CHRM3: variants seen among roughly 807,000 people sequenced by gnomAD.
CHRM3 encodes cholinergic receptor muscarinic 3.
Under a neutral mutation model 41.8 loss-of-function variants are expected in CHRM3, and 11 were observed. The ratio of observed to expected loss-of-function variants is 0.26; its 90% CI spans 0.17 to 0.44. The LOEUF is 0.44. Ranked by LOEUF, CHRM3 falls within the 20% of genes least tolerant of loss-of-function variation. CHRM3 has a pLI of 1.00. For missense variants in CHRM3, 571 were observed against 745.4 expected, an observed-to-expected ratio of 0.77 and a Z score of 2.72; for synonymous variants, 297 against 301.4, an observed-to-expected ratio of 0.99 and a Z score of 0.15.
At chr1:239,396,825 A>C (rs1659524872) in intron 1 of CHRM3, among the ~76,000 whole-genome samples, 1 of 152,188 alleles carries the variant, frequency 6.6e-6, no homozygotes, top group African/African-American at 2.4e-5. Context: ...CTCTATACAA[A>C]ACTGGGATAA....
At chr1:239,514,533 TC>T (rs1669135372) in intron 2 of CHRM3, among the ~76,000 whole-genome samples, 2 of 151,814 alleles carry the variant, frequency 1.3e-5, no homozygotes, top group East Asian at 3.9e-4. Context: ...TACTGGATTT[TC>T]TACATAGAAA....
At chr1:239,579,820 A>C (rs1262854781) in intron 3 of CHRM3, among the ~76,000 whole-genome samples, 1 of 152,172 alleles carries the variant, frequency 6.6e-6, no homozygotes, top group African/African-American at 2.4e-5. Context: ...TTATTCATTC[A>C]TCTTCACATA....
At chr1:239,392,322 A>G (rs1047304951) in intron 1 of CHRM3, among the ~76,000 whole-genome samples, 1 of 152,074 alleles carries the variant, frequency 6.6e-6, no homozygotes, top group Non-Finnish European at 1.5e-5. Flanking sequence ...TCAGTTCTCC[A>G]CACCTCTCCC....
rs141906772 is a variant in CHRM3, at chr1:239,769,935, A to T, written c.-146-57317A>T. On this transcript the variant is annotated intron_variant, in intron 5 of 6. Coordinates refer to ENST00000676153, the MANE Select transcript of CHRM3 (RefSeq NM_001375978.1). ...TCACCTGTTTCTTTTAGGGCCATAC[A>T]TCACATTCTTTTTAGCTAAAGTCTG... 2.9e-3 allele frequency among the ~76,000 whole-genome samples: 445 copies of T among 152,234 alleles called. 2 individuals carry two copies. Among genetic ancestry groups the T allele is most frequent in the African/African-American group, 9.8e-3 (409 of 41,564 alleles).
At chr1:239,410,404 A>T (rs1660973879) in intron 1 of CHRM3, among the ~76,000 whole-genome samples, 1 of 152,116 alleles carries the variant, frequency 6.6e-6, no homozygotes, top group South Asian at 2.1e-4. Flanking sequence ...TCTTTTTTAG[A>T]ATGTGGCCGC....
intron 6 of CHRM3, among the ~76,000 whole-genome samples, chr1:239,842,738 A>G (rs566180243): frequency 1.3e-5 from 2 of 152,330 alleles, no homozygotes; most frequent in South Asian, 4.1e-4. Context: ...ACACACATGC[A>G]TGCACGCACA....
At chr1:239,765,293 C>T (rs1177183891) in intron 5 of CHRM3, among the ~76,000 whole-genome samples, 1 of 152,200 alleles carries the variant, frequency 6.6e-6, no homozygotes, top group Non-Finnish European at 1.5e-5. Flanking sequence ...CCTGATGCTC[C>T]ATTGCCTCAT....
At chr1:239,489,492 T>C (rs1372653336) in intron 1 of CHRM3, among the ~76,000 whole-genome samples, 2 of 152,174 alleles carry the variant, frequency 1.3e-5, no homozygotes, top group Non-Finnish European at 1.5e-5. Context: ...GTAATGAATG[T>C]CATCTAACCC....
chr1:239,743,815 C>A, intron 5 of CHRM3, among the ~76,000 whole-genome samples: 1 of 90,862 alleles, frequency 1.1e-5, no homozygotes, highest in African/African-American at 4.5e-5. Flanking sequence ...TTTTTTGAGG[C>A]AGGGTCTCAT....
intron 6 of CHRM3, among the ~76,000 whole-genome samples, chr1:239,834,148 T>TCACACACACACACACA (rs34990180): frequency 1.6e-4 from 22 of 135,232 alleles, no homozygotes; most frequent in Non-Finnish European, 2.5e-4. Flanking sequence ...TAATTCCACA[T>TCACACACACACACACA]CACACACACA....
chr1:239,704,279 G>A (rs1254101815), intron 5 of CHRM3: 2 of 152,100 alleles, frequency 1.3e-5, no homozygotes, highest in African/African-American at 4.8e-5. Context: ...TGAGAGGTGT[G>A]GAATAAAGCA....
intron 3 of CHRM3, among the ~76,000 whole-genome samples, chr1:239,565,027 T>G (rs1661219626): frequency 6.6e-6 from 1 of 152,174 alleles, no homozygotes; most frequent in Non-Finnish European, 1.5e-5. Flanking sequence ...GTGGCGCTCC[T>G]TAGCTCCTGA....
At chr1:239,732,048 C>G (rs1378974433) in intron 5 of CHRM3, among the ~76,000 whole-genome samples, 5 of 151,944 alleles carry the variant, frequency 3.3e-5, no homozygotes, top group Admixed American at 2.6e-4. Flanking sequence ...TAAAAATGCC[C>G]AGCCCCATAC....
chr1:239,722,042 C>T (rs1387878959), intron 5 of CHRM3, among the ~76,000 whole-genome samples: 1 of 151,862 alleles, frequency 6.6e-6, no homozygotes, highest in Non-Finnish European at 1.5e-5. Flanking sequence ...TGCCAATTCA[C>T]ATTCAGCTTT....
At chr1:239,829,548 G>A (rs1174140056) in intron 6 of CHRM3, among the ~76,000 whole-genome samples, 1 of 152,042 alleles carries the variant, frequency 6.6e-6, no homozygotes, top group Non-Finnish European at 1.5e-5. Context: ...TACCAAAAAA[G>A]CATGTATTTT....
intron 5 of CHRM3, among the ~76,000 whole-genome samples, chr1:239,794,690 C>A (rs1447242402): frequency 2.0e-5 from 3 of 152,108 alleles, no homozygotes; most frequent in Admixed American, 6.6e-5. Flanking sequence ...CTTTTAATTA[C>A]CATCTTCTTA....
At chr1:239,465,357 G>T (rs1210014833) in intron 1 of CHRM3, among the ~76,000 whole-genome samples, 1 of 152,076 alleles carries the variant, frequency 6.6e-6, no homozygotes. Context: ...TAATCTTTTT[G>T]GCTACAACAT....
At chr1:239,780,246 G>A (rs760045462) in intron 5 of CHRM3, among the ~76,000 whole-genome samples, 17 of 152,098 alleles carry the variant, frequency 1.1e-4, no homozygotes, top group Non-Finnish European at 2.2e-4. Flanking sequence ...CGTTCCTGTT[G>A]GCAATAAATT....
intron 5 of CHRM3, among the ~76,000 whole-genome samples, chr1:239,738,203 T>C (rs527969105): frequency 2.0e-5 from 3 of 152,324 alleles, no homozygotes; most frequent in Admixed American, 6.5e-5. Flanking sequence ...ACCTTGTATC[T>C]GCATTTTGGT....
Sources: allele counts gnomAD v4.1 joint callset (sites outside exome capture counted in the v4.1 genomes callset), GRCh38; gene constraint gnomAD v4.1.1; transcripts MANE v1.5; gene names NCBI Gene and HGNC (gene_info 2026-07-23, HGNC 2026-07-21).